Variants in HLA-DPA1 observed in about 807,000 individuals in gnomAD.
The protein encoded by HLA-DPA1 is HLA class II histocompatibility antigen, DP alpha 1 chain.
In HLA-DPA1, 20 loss-of-function variants were observed where a neutral mutation model predicts 21.5. The observed-to-expected ratio is 0.93, with a 90% CI of 0.66 to 1.35. HLA-DPA1 has a LOEUF of 1.35. Among genes scored for constraint, HLA-DPA1 ranks in the 40% most tolerant of loss-of-function variants. HLA-DPA1 has a pLI of 0.00. For synonymous variants in HLA-DPA1, 123 were observed against 129.6 expected (o/e 0.95, Z 0.35); for missense variants, 279 against 323.0 (o/e 0.86, Z 1.05).
At chr6:33,073,275 T>C (rs1274140936) in intron 2 of HLA-DPA1, among the ~76,000 whole-genome samples, 196 bp downstream of exon 1, 1 of 152,176 alleles carries the variant, frequency 6.6e-6, no homozygotes, top group Non-Finnish European at 1.5e-5. Flanking sequence ...GAGATGTAAA[T>C]GGGGAAAGAA....
At chr6:33,077,129 C>G (rs1254649763) in intron 1 of HLA-DPA1, among the ~76,000 whole-genome samples, 5 of 133,976 alleles carry the variant, frequency 3.7e-5, no homozygotes, top group Admixed American at 3.7e-4. Context: ...TCCATGTGTT[C>G]TCATTGTTCA....
At chr6:33,066,162 T>G (rs72867693) in intron 5 of HLA-DPA1, 1 of 151,884 alleles carries the variant, frequency 6.6e-6, no homozygotes, top group African/African-American at 2.4e-5. Context: ...GTGTGTGAAC[T>G]AAGAAAAATA....
chr6:33,080,628 A>G lies in HLA-DPA1; in HGVS notation c.-100+52T>C. The G allele has an allele frequency of 6.2e-7, 1 of 1,610,166 alleles. No homozygotes were observed. Among genetic ancestry groups the G allele is most frequent in the Non-Finnish European group, 8.5e-7 (1 of 1,177,480 alleles). ...GAGAGAGAGAGGGAGAAAGAGGATT[A>G]GATGAGAGTGGCGCCTCCGCTCATG... On this transcript the variant is annotated intron_variant, in intron 1 of 5. Transcript: ENST00000419277. The surrounding 1 kb of genome is among the most constrained non-coding windows in gnomAD (Gnocchi z 4.3).
At chr6:33,064,929 A>G (rs1397670120) in exon 6 of HLA-DPA1, 2 of 152,190 alleles carry the variant, frequency 1.3e-5, no homozygotes, top group Non-Finnish European at 2.9e-5. Context: ...TCGGCAACAG[A>G]GGTTGAAACC....
At chr6:33,069,871 G>A (rs769342996) in exon 3 of HLA-DPA1, 1 of 1,609,706 alleles carries the variant, frequency 6.2e-7, no homozygotes. Flanking sequence ...CGCGGCATAA[G>A]TTGACACATG....
intron 5 of HLA-DPA1, chr6:33,065,927 T>C (rs1418750744): frequency 6.6e-6 from 1 of 151,918 alleles, no homozygotes; most frequent in African/African-American, 2.4e-5. Flanking sequence ...TCTTTGGATG[T>C]TTTGTTAATC....
intron 5 of HLA-DPA1, chr6:33,066,564 T>G (rs1415226812): frequency 6.6e-6 from 1 of 152,230 alleles, no homozygotes; most frequent in Non-Finnish European, 1.5e-5. Context: ...AAAATACAGT[T>G]GATGGACTTC....
intron 5 of HLA-DPA1, 119 bp downstream of exon 4, chr6:33,068,519 G>C (rs1270730477): frequency 1.3e-6 from 1 of 760,002 alleles, no homozygotes; most frequent in African/African-American, 1.8e-5. Context: ...CGGTGTTGTT[G>C]TTGTTATGTG....
chr6:33,077,864 A>G (rs1379169957), intron 1 of HLA-DPA1, among the ~76,000 whole-genome samples: 1 of 151,644 alleles, frequency 6.6e-6, no homozygotes, highest in East Asian at 1.9e-4. Context: ...AAGCCCTAAA[A>G]CCTCTTATCT....
chr6:33,077,446 G>C (rs1275120352), intron 1 of HLA-DPA1, among the ~76,000 whole-genome samples: 1 of 152,086 alleles, frequency 6.6e-6, no homozygotes, highest in African/African-American at 2.4e-5. Flanking sequence ...TAATGGGATG[G>C]CTGGGTCAAA....
intron 2 of HLA-DPA1, among the ~76,000 whole-genome samples, chr6:33,070,486 G>A: frequency 6.6e-6 from 1 of 151,952 alleles, no homozygotes; most frequent in African/African-American, 2.4e-5. Flanking sequence ...TCTTATTATA[G>A]AAAAGGTAGA....
In HLA-DPA1 at chr6:33,068,824, A is replaced by T. The variant is rs766754740; in HGVS notation, c.629-20T>A. 1 of 1,611,978 alleles carries T rather than the reference A, an allele frequency of 6.2e-7. No individual in the cohort carries two copies. The highest frequency in any genetic ancestry group is 8.5e-7 in the Non-Finnish European group (1 of 1,179,400). On this transcript the variant is annotated intron_variant, in intron 4 of 5. Transcript: ENST00000419277. The stretch of plus-strand genomic sequence containing the variant: ...GGGCCTCTGGGGGAAGAATGAAGAG[A>T]TAGGGTCAGGAGGTGCAGTGAGGGT...
chr6:33,067,600 C>G (rs1414584581), intron 5 of HLA-DPA1: 1 of 146,642 alleles, frequency 6.8e-6, no homozygotes, highest in African/African-American at 2.6e-5. Flanking sequence ...GCAAAATGGA[C>G]TAATGCATGG....
chr6:33,078,982 G>C (rs4947357), intron 1 of HLA-DPA1, among the ~76,000 whole-genome samples: 5,282 of 152,264 alleles, frequency 0.035, 117 homozygotes, highest in South Asian at 0.11. Flanking sequence ...TGGGGCCCAA[G>C]GCACCAGGAG....
intron 1 of HLA-DPA1, among the ~76,000 whole-genome samples, chr6:33,076,405 A>G (rs1374227742): frequency 6.6e-6 from 1 of 152,152 alleles, no homozygotes; most frequent in Non-Finnish European, 1.5e-5. Context: ...TGGGACCAAG[A>G]GGTCCTGGAT....
intron 1 of HLA-DPA1, among the ~76,000 whole-genome samples, chr6:33,076,473 G>A (rs778909697): frequency 3.3e-5 from 5 of 152,148 alleles, no homozygotes; most frequent in Non-Finnish European, 4.4e-5. Flanking sequence ...GCTCCTGGGC[G>A]TGTTCATGTC....
chr6:33,069,049 C>T (rs1263542564), exon 4 of HLA-DPA1: 8 of 1,613,020 alleles, frequency 5.0e-6, no homozygotes, highest in Admixed American at 1.7e-5. Flanking sequence ...TGGTCCAAGC[C>T]CCAGTGCTCC....
chr6:33,069,537 T>C, intron 3 of HLA-DPA1, 104 bp downstream of exon 2: 2 of 1,399,914 alleles, frequency 1.4e-6, no homozygotes, highest in Non-Finnish European at 2.0e-6. Context: ...GGGAAGAGGA[T>C]CACACAGCAG....
chr6:33,065,086 G>A (rs3173308), exon 6 of HLA-DPA1: 2 of 152,142 alleles, frequency 1.3e-5, no homozygotes, highest in Admixed American at 1.3e-4. Context: ...CTTCAAAGGA[G>A]AACAGAGGAT....
Sources: gnomAD v4.1 joint callset for allele counts (sites outside exome capture counted in the v4.1 genomes callset) on GRCh38, gnomAD v4.1.1 for gene constraint, Gnocchi (gnomAD v3.1) non-coding constraint, MANE v1.5 for transcripts, NCBI Gene and HGNC (gene_info 2026-07-23, HGNC 2026-07-21) for gene names.